The following SLC25A30 variants were observed in gnomAD, a reference collection of about 807,000 sequenced individuals.
SLC25A30 encodes the protein kidney mitochondrial carrier protein 1.
SLC25A30 carries 29 observed loss-of-function variants against 42.7 expected under a neutral mutation model. The ratio of observed to expected loss-of-function variants is 0.68; its 90% confidence interval spans 0.51 to 0.93. The LOEUF is 0.93. SLC25A30 is among the 40% of genes least tolerant of loss of function. The pLI is 0.00. For synonymous variants in SLC25A30, 124 were observed against 131.0 expected (o/e 0.95, Z 0.37); for missense variants, 300 against 359.7 (o/e 0.83, Z 1.34).
intron 5 of SLC25A30, 84 bp downstream of exon 5, chr13:45,404,243 A>T: frequency 1.1e-6 from 1 of 932,180 alleles, no homozygotes; most frequent in Non-Finnish European, 1.8e-6. Context: ...CACAGATGTT[A>T]CATTCACAGA....
upstream of SLC25A30, among the ~76,000 whole-genome samples, chr13:45,422,941 A>G (rs890258754): frequency 6.6e-6 from 1 of 152,056 alleles, no homozygotes; most frequent in African/African-American, 2.4e-5. Flanking sequence ...CTAATCACTA[A>G]AAACTGGGTG....
At chr13:45,396,288 C>G in intron 9 of SLC25A30, 2 of 1,309,896 alleles carry the variant, frequency 1.5e-6, no homozygotes, top group Non-Finnish European at 2.0e-6. Context: ...TGTGGCTTTG[C>G]TGTGGTGGAA....
the SLC25A30 span, among the ~76,000 whole-genome samples, chr13:45,425,008 A>C: frequency 4.9e-4 from 22 of 44,864 alleles, no homozygotes; most frequent in Non-Finnish European, 2.2e-4. Flanking sequence ...ATATAAATAT[A>C]TATAAATATA....
rs1033501426 is a variant in SLC25A30 at position 45,394,254 on chromosome 13, G to GCCCCCA, written c.*1714_*1719dup. On this transcript the variant is annotated 3_prime_UTR_variant, in exon 10 of 10. Transcript: ENST00000519676. Reference sequence around the variant, plus strand: ...CCCTACCCCACTGCACCCCGCCCCCGCCCCCACCTTCTGTTATCCTCTCTT... The same window carrying GCCCCCA: ...CCCTACCCCACTGCACCCCGCCCCCGCCCCCACCCCCACCTTCTGTTATCCTCTCTT... 2 of 165,968 alleles carry GCCCCCA rather than the reference G, an allele frequency of 1.2e-5. No homozygotes were observed. The highest frequency in any genetic ancestry group is 3.0e-4 in the South Asian group (1 of 3,344). The allele number at this position is 165,968 out of a possible 1,614,324, so 10.3% of individuals were successfully genotyped here. A position where few individuals can be genotyped will look rare whatever the true frequency, so the allele number is the denominator to read the frequency against.
At position 45,399,052 on chromosome 13, in the gene SLC25A30, C is replaced by T; in HGVS notation, c.641G>A (p.Gly214Glu). 6.2e-7 allele frequency: 1 copy of T among 1,611,220 alleles called. No individual in the cohort carries two copies. The highest frequency in any genetic ancestry group is 8.5e-7 in the Non-Finnish European group (1 of 1,179,084). Residue 214 changes from glycine (G) to glutamate (E), a missense_variant, in exon 8 of 10, where the codon GGG becomes GAG. By Grantham distance (98) the Gly-to-Glu change is moderately conservative (BLOSUM62 -2). Coordinates refer to ENST00000519676, the MANE Select transcript of SLC25A30 (RefSeq NM_001010875.4). ...ATCAACAGGGTTTGAGGCCAGGGCC[C>T]CTGCCAGACCACAGGTGAAGCTTGA... ...FLSSFTCGLA[G>E]ALASNPVDVV...
chr13:45,424,514 TAAATATATAA>T, the SLC25A30 span, among the ~76,000 whole-genome samples: 406 of 23,332 alleles, frequency 0.017, 86 homozygotes, highest in Non-Finnish European at 0.031. Context: ...AAAATATATA[TAAATATATAA>T]AAATATATAT....
At chr13:45,419,032 G>C (rs1423451626), upstream of SLC25A30, among the ~76,000 whole-genome samples, 8 of 121,046 alleles carry the variant, frequency 6.6e-5, no homozygotes, top group Admixed American at 7.3e-4. Flanking sequence ...TCGGGAGGCT[G>C]AAACAGGAGA....
rs1276076235 is a variant in SLC25A30, at chr13:45,393,956, T to C, written c.*2018A>G. 3.0e-6 allele frequency: 3 copies of C among 984,864 alleles called. No homozygotes were observed. In the African/African-American group the frequency reaches 5.2e-5, roughly 17 times the overall value. The allele number at this position is 984,864 out of a possible 1,614,324, so 61.0% of individuals were successfully genotyped here. On this transcript the variant is annotated 3_prime_UTR_variant, in exon 10 of 10. Coordinates refer to ENST00000519676, the MANE Select transcript of SLC25A30 (RefSeq NM_001010875.4). ...GAATTTGCTTCTACTGTTTTAAAAA[T>C]TGTATGCATATTTGAAAAAGTAAAA...
At chr13:45,405,264 A>G (rs148793373) in intron 4 of SLC25A30, among the ~76,000 whole-genome samples, 40 of 152,338 alleles carry the variant, frequency 2.6e-4, no homozygotes, top group Non-Finnish European at 4.7e-4. Context: ...CATCATAATT[A>G]AGATGAGCTA....
the SLC25A30 span, among the ~76,000 whole-genome samples, chr13:45,426,376 C>T: frequency 1.3e-5 from 2 of 152,128 alleles, no homozygotes; most frequent in Admixed American, 6.6e-5. Flanking sequence ...TGAGCCACCG[C>T]CCCCGGCCCA....
At chr13:45,425,616 A>AT in the SLC25A30 span, among the ~76,000 whole-genome samples, 3 of 99,128 alleles carry the variant, frequency 3.0e-5, no homozygotes, top group African/African-American at 7.7e-5. Flanking sequence ...ATACATATAT[A>AT]AATATATATA....
the SLC25A30 span, among the ~76,000 whole-genome samples, chr13:45,432,147 G>A: frequency 6.6e-6 from 1 of 151,736 alleles, no homozygotes; most frequent in Non-Finnish European, 1.5e-5. Flanking sequence ...GTGCGCACCT[G>A]TAATCCCAGG....
At chr13:45,409,480 A>C (rs962419533) in intron 2 of SLC25A30, among the ~76,000 whole-genome samples, 1 of 143,922 alleles carries the variant, frequency 6.9e-6, no homozygotes, top group Admixed American at 7.1e-5. Flanking sequence ...TCATTTTCTA[A>C]AGTGGTTTTC....
the SLC25A30 span, among the ~76,000 whole-genome samples, chr13:45,428,413 T>A: frequency 5.3e-5 from 8 of 150,912 alleles, no homozygotes. Context: ...TTCACCATAC[T>A]GGCCAGGCTG....
At chr13:45,419,149 AAAG>A (rs1234239165), upstream of SLC25A30, among the ~76,000 whole-genome samples, 1 of 143,146 alleles carries the variant, frequency 7.0e-6, no homozygotes, top group Non-Finnish European at 1.5e-5. Flanking sequence ...AAAAAAAAAA[AAAG>A]AAAGAAAATG....
the SLC25A30 span, among the ~76,000 whole-genome samples, chr13:45,425,608 A>AAG: frequency 8.3e-4 from 53 of 64,104 alleles, 5 homozygotes; most frequent in African/African-American, 3.4e-3. Flanking sequence ...ATATATATAT[A>AAG]CATATATAAA....
At chr13:45,432,408 A>G in the SLC25A30 span, among the ~76,000 whole-genome samples, 146 of 152,286 alleles carry the variant, frequency 9.6e-4, 1 homozygote, top group African/African-American at 3.3e-3. Flanking sequence ...GGAATAATTT[A>G]CAGAGTGCCC....
chr13:45,433,506 G>A, the SLC25A30 span, among the ~76,000 whole-genome samples: 2 of 152,204 alleles, frequency 1.3e-5, no homozygotes, highest in Non-Finnish European at 2.9e-5. Context: ...AAAATTGAAA[G>A]TTGTATTACC....
At chr13:45,404,803 C>A (rs1882345642) in intron 4 of SLC25A30, among the ~76,000 whole-genome samples, 1 of 152,040 alleles carries the variant, frequency 6.6e-6, no homozygotes, top group South Asian at 2.1e-4. Flanking sequence ...GGGCAACAGA[C>A]CAAGACGCCA....
Sources: allele counts gnomAD v4.1 joint callset (sites outside exome capture counted in the v4.1 genomes callset), GRCh38; gene constraint gnomAD v4.1.1; transcripts MANE v1.5; gene names NCBI Gene and HGNC (gene_info 2026-07-23, HGNC 2026-07-21).